Variants in USP35 observed in about 807,000 individuals in gnomAD.
The protein encoded by USP35 is ubiquitin specific peptidase 35.
A neutral mutation model predicts 83.8 loss-of-function variants in USP35; 69 were observed. The ratio of observed to expected loss-of-function variants is 0.82; its 90% CI spans 0.68 to 1.01. The LOEUF (loss-of-function observed/expected upper bound fraction) is 1.01. Ranked by LOEUF, USP35 falls within the 50% of genes least tolerant of loss-of-function variation. The pLI, the probability that USP35 is intolerant of heterozygous loss-of-function variation, is 0.00. For synonymous variants in USP35, 714 were observed against 589.5 expected (o/e 1.21, Z -3.06); for missense variants, 1,503 against 1,362.5 (o/e 1.10, Z -1.62).
chr11:78,200,116 C>T lies in USP35; in HGVS notation c.937-17C>T, dbSNP rs762219166. 2 of 1,614,018 alleles carry T rather than the reference C, an allele frequency of 1.2e-6. No individual in the cohort carries two copies. Among genetic ancestry groups the T allele is most frequent in the South Asian group, 2.2e-5 (2 of 91,084 alleles). ...CAGCTCAAGCCTGGGGACTCCTGAC[C>T]AGGGACTCTCTTGTAGGTTTTCTCT... is the stretch of plus-strand genomic sequence containing the variant. On this transcript the variant is annotated splice_polypyrimidine_tract_variant and intron_variant, in intron 4 of 10. Transcript: ENST00000529308.
the USP35 span, chr11:78,222,068 C>A: frequency 7.2e-7 from 1 of 1,383,328 alleles, no homozygotes; most frequent in African/African-American, 1.4e-5. Context: ...CCTAATGGCC[C>A]GACTCCAAGC....
chr11:78,207,703 G>C, intron 8 of USP35, 80 bp downstream of exon 8: 2 of 1,406,712 alleles, frequency 1.4e-6, no homozygotes, highest in Middle Eastern at 2.4e-4. Context: ...CCTTCCCCAG[G>C]ACCTGCCTGC....
At chr11:78,235,394 C>G in the USP35 span, among the ~76,000 whole-genome samples, 657 of 152,126 alleles carry the variant, frequency 4.3e-3, 5 homozygotes, top group South Asian at 5.0e-3. Flanking sequence ...CCTTGAGATC[C>G]GCCCACCTCA....
the USP35 span, chr11:78,220,471 G>A: frequency 1.3e-6 from 2 of 1,544,274 alleles, no homozygotes; most frequent in Non-Finnish European, 8.8e-7. Context: ...AAAACTGTGA[G>A]TGACTGCAGA....
At chr11:78,233,040 G>GTTT in the USP35 span, among the ~76,000 whole-genome samples, 25 of 132,000 alleles carry the variant, frequency 1.9e-4, 1 homozygote, top group African/African-American at 6.0e-4. Context: ...GCACTGTTAA[G>GTTT]TTTTTTTTTT....
chr11:78,231,623 C>A, the USP35 span, among the ~76,000 whole-genome samples: 1 of 152,228 alleles, frequency 6.6e-6, no homozygotes, highest in African/African-American at 2.4e-5. Flanking sequence ...GCTGGGATTA[C>A]AGGCGTGAGC....
chr11:78,218,259 C>T (rs1296426344), downstream of USP35: 1 of 154,104 alleles, frequency 6.5e-6, no homozygotes, highest in East Asian at 1.9e-4. Flanking sequence ...TCCCAGGGTT[C>T]CCCTCAGTCC....
At chr11:78,223,387 G>A in the USP35 span, 1 of 1,490,234 alleles carries the variant, frequency 6.7e-7, no homozygotes, top group South Asian at 1.4e-5. Flanking sequence ...GTCCAGAGAT[G>A]GGACAGGGGA....
At chr11:78,224,352 C>A in the USP35 span, among the ~76,000 whole-genome samples, 14 of 152,128 alleles carry the variant, frequency 9.2e-5, no homozygotes, top group South Asian at 2.9e-3. Context: ...CATCTCAGGC[C>A]CTGGATCAGA....
intron 6 of USP35, among the ~76,000 whole-genome samples, chr11:78,204,856 T>C (rs1476879040): frequency 6.6e-6 from 1 of 152,180 alleles, no homozygotes; most frequent in Non-Finnish European, 1.5e-5. Flanking sequence ...TGAGCAAAAG[T>C]GTTAAACCCC....
chr11:78,201,569 G>C (rs1863361051), intron 6 of USP35, among the ~76,000 whole-genome samples: 1 of 152,154 alleles, frequency 6.6e-6, no homozygotes, highest in South Asian at 2.1e-4. Flanking sequence ...GACAGATGAG[G>C]CCTCTAAGAA....
At chr11:78,221,637 A>T in the USP35 span, 2 of 1,278,870 alleles carry the variant, frequency 1.6e-6, no homozygotes, top group Non-Finnish European at 1.1e-6. Flanking sequence ...GTCCCAGGGG[A>T]CTTGAAAGGC....
At chr11:78,218,548 G>C (rs1192780374), downstream of USP35, 1 of 153,088 alleles carries the variant, frequency 6.5e-6, no homozygotes, top group Non-Finnish European at 1.5e-5. Flanking sequence ...GCTGCTCTAG[G>C]TTGGCCATCA....
chr11:78,221,019 A>G, the USP35 span, among the ~76,000 whole-genome samples: 2 of 152,156 alleles, frequency 1.3e-5, no homozygotes, highest in African/African-American at 4.8e-5. Context: ...CTTCATCTCC[A>G]GGCTGCACAA....
chr11:78,205,223 T>G (rs1863494232), intron 6 of USP35, among the ~76,000 whole-genome samples: 2 of 152,234 alleles, frequency 1.3e-5, no homozygotes, highest in Admixed American at 6.5e-5. Context: ...CTGTCCTGAC[T>G]GTAGGGTCAA....
chr11:78,220,684 A>T, the USP35 span, among the ~76,000 whole-genome samples: 1 of 152,178 alleles, frequency 6.6e-6, no homozygotes, highest in Admixed American at 6.5e-5. Context: ...CTTTCAGAGA[A>T]GTGACTTTGC....
chr11:78,195,652 G>A (rs1863120145), intron 1 of USP35, among the ~76,000 whole-genome samples: 1 of 152,212 alleles, frequency 6.6e-6, no homozygotes, highest in Non-Finnish European at 1.5e-5. Context: ...TCTGGGGAGA[G>A]AGAAGCAAAG....
intron 6 of USP35, 80 bp downstream of exon 6, chr11:78,200,888 A>T (rs1214978675): frequency 6.6e-6 from 10 of 1,504,536 alleles, no homozygotes; most frequent in African/African-American, 2.8e-5. Flanking sequence ...GCCATACCAC[A>T]GCTTGGTGGC....
Position 78,214,071 on chromosome 11 carries a change from G to A in USP35, c.*258G>A. 2.6e-6 allele frequency: 1 copy of A among 385,580 alleles called. No homozygotes were observed. Among genetic ancestry groups the A allele is most frequent in the Non-Finnish European group, 4.6e-6 (1 of 218,144 alleles). The allele number at this position is 385,580 out of a possible 1,614,324, so 23.9% of individuals were successfully genotyped here. On this transcript the variant is annotated 3_prime_UTR_variant, in exon 11 of 11. Coordinates refer to ENST00000529308, the MANE Select transcript of USP35 (RefSeq NM_020798.4). The stretch of plus-strand genomic sequence containing the variant: ...AAGCAGCCGAGATGGGCACACACGG[G>A]TCTTTGCCTCCCCCTCCTTCCCTAG...
Sources: allele counts gnomAD v4.1 joint callset (sites outside exome capture counted in the v4.1 genomes callset), GRCh38; gene constraint gnomAD v4.1.1; transcripts MANE v1.5; gene names NCBI Gene and HGNC (gene_info 2026-07-23, HGNC 2026-07-21).